ENPP3: variants seen among roughly 807,000 people sequenced by gnomAD.
The protein encoded by ENPP3 is ectonucleotide pyrophosphatase/phosphodiesterase 3, also known as ectonucleotide pyrophosphatase/phosphodiesterase family member 3.
In ENPP3, 104 loss-of-function variants were observed where a neutral mutation model predicts 117.8. The ratio of observed to expected loss-of-function variants is 0.88; its 90% CI spans 0.75 to 1.04. The LOEUF (loss-of-function observed/expected upper bound fraction) is 1.04, where lower values mean the gene tolerates loss of function less well. Ranked by LOEUF, ENPP3 falls within the 50% of genes least tolerant of loss-of-function variation. The pLI is 0.00. For missense variants in ENPP3, 1,026 were observed against 1,051.9 expected (o/e 0.98, Z 0.34); for synonymous variants, 380 against 349.9 (o/e 1.09, Z -0.96).
intron 20 of ENPP3, among the ~76,000 whole-genome samples, chr6:131,729,759 A>G (rs1382520092): frequency 6.6e-6 from 1 of 152,114 alleles, no homozygotes; most frequent in Admixed American, 6.5e-5. Context: ...TCGCCTGGAT[A>G]AAGGAGGCCA....
intron 2 of ENPP3, among the ~76,000 whole-genome samples, chr6:131,648,548 T>A (rs932527260): frequency 2.0e-5 from 3 of 152,114 alleles, no homozygotes; most frequent in Non-Finnish European, 1.5e-5. Flanking sequence ...ATTTATCACT[T>A]CATCTGCAAT....
At chr6:131,652,720 T>C (rs1350287143) in intron 4 of ENPP3, 53 bp downstream of exon 4, 3 of 1,611,070 alleles carry the variant, frequency 1.9e-6, no homozygotes, top group East Asian at 4.5e-5. Context: ...AGGAACTCCA[T>C]GAGTTTCCTA....
At chr6:131,676,848 G>A in intron 10 of ENPP3, 47 bp downstream of exon 10, 2 of 1,246,982 alleles carry the variant, frequency 1.6e-6, no homozygotes, top group Non-Finnish European at 2.3e-6. Context: ...CATATATATG[G>A]GTAAAAAATG....
chr6:131,729,866 C>CTTTTT (rs926827599), intron 20 of ENPP3, among the ~76,000 whole-genome samples: 4 of 145,752 alleles, frequency 2.7e-5, no homozygotes, highest in Non-Finnish European at 6.1e-5. Flanking sequence ...GAAAATGTGA[C>CTTTTT]TTTTTTTTTT....
intron 14 of ENPP3, among the ~76,000 whole-genome samples, chr6:131,693,133 A>C (rs1411422887): frequency 6.8e-6 from 1 of 147,220 alleles, no homozygotes; most frequent in African/African-American, 2.5e-5. Context: ...ACACACACAC[A>C]CACCCCCAGG....
At chr6:131,718,974 G>A (rs564196328) in intron 16 of ENPP3, among the ~76,000 whole-genome samples, 1 of 152,146 alleles carries the variant, frequency 6.6e-6, no homozygotes, top group Non-Finnish European at 1.5e-5. Context: ...AACAGATTAA[G>A]ATCCTGCCCT....
At chr6:131,727,096 A>C (rs1260767608) in intron 20 of ENPP3, among the ~76,000 whole-genome samples, 2 of 152,230 alleles carry the variant, frequency 1.3e-5, no homozygotes, top group South Asian at 2.1e-4. Context: ...GCATATAAGA[A>C]ACAAGTTATG....
At chr6:131,729,383 C>A (rs1263635996) in intron 20 of ENPP3, among the ~76,000 whole-genome samples, 1 of 152,178 alleles carries the variant, frequency 6.6e-6, no homozygotes, top group African/African-American at 2.4e-5. Context: ...AGGTAAGAAG[C>A]ATCTGTAACT....
intron 15 of ENPP3, among the ~76,000 whole-genome samples, chr6:131,694,629 G>A (rs1450245311): frequency 6.6e-6 from 1 of 152,098 alleles, no homozygotes; most frequent in Non-Finnish European, 1.5e-5. Flanking sequence ...GAGGCCAGGA[G>A]TTCGAGACCA....
chr6:131,668,826 A>T (rs1284309238), intron 6 of ENPP3, among the ~76,000 whole-genome samples: 1 of 152,178 alleles, frequency 6.6e-6, no homozygotes, highest in Non-Finnish European at 1.5e-5. Context: ...TCTTTCCAGT[A>T]GTCTGTTCAA....
At chr6:131,645,193 C>A (rs1039527950) in intron 2 of ENPP3, among the ~76,000 whole-genome samples, 1 of 152,188 alleles carries the variant, frequency 6.6e-6, no homozygotes, top group African/African-American at 2.4e-5. Flanking sequence ...CCTTATAAAC[C>A]TGTGTGATAA....
At chr6:131,674,474 A>T in intron 8 of ENPP3, 193 bp downstream of exon 8, 1 of 615,196 alleles carries the variant, frequency 1.6e-6, no homozygotes, top group East Asian at 2.9e-5. Context: ...TCAAATAGGT[A>T]TGTTTAAACT....
At position 131,679,605 on chromosome 6, in the gene ENPP3, A is replaced by G. The variant is rs139403276; in HGVS notation, c.1011+1665A>G. On this transcript the variant is annotated intron_variant, in intron 11 of 24. Transcript: ENST00000357639. ...AAAGTGCTGCAAAGGAAAAGATCGG[A>G]GTCCCCCAAGAGATCTATCTAGGCA... Among the ~76,000 whole-genome samples the G allele has an allele frequency of 6.6e-5, 10 of 151,036 alleles. No homozygotes were observed. The East Asian group carries it at 1.8e-3, about 27-fold the overall frequency.
intron 20 of ENPP3, among the ~76,000 whole-genome samples, chr6:131,730,213 G>C (rs930689097): frequency 6.6e-6 from 1 of 152,090 alleles, no homozygotes. Context: ...ATATACCAGC[G>C]GTCTATGGGG....
intron 21 of ENPP3, among the ~76,000 whole-genome samples, chr6:131,735,304 G>C (rs544940066): frequency 6.6e-6 from 1 of 152,164 alleles, no homozygotes; most frequent in Non-Finnish European, 1.5e-5. Flanking sequence ...CAGAGGTAAT[G>C]TTATGTTGAT....
intron 3 of ENPP3, 56 bp downstream of exon 3, chr6:131,650,205 T>C (rs1778234450): frequency 1.9e-6 from 3 of 1,592,354 alleles, no homozygotes; most frequent in South Asian, 1.1e-5. Flanking sequence ...TATTAATACA[T>C]GTCAAATTTT....
intron 15 of ENPP3, 57 bp from the exon 16 acceptor site, chr6:131,718,615 C>T: frequency 1.2e-6 from 1 of 805,616 alleles, no homozygotes; most frequent in Non-Finnish European, 1.9e-6. Context: ...TTAAATCTTA[C>T]ACTATGGTCT....
At chr6:131,639,057 A>G (rs536012173) in intron 1 of ENPP3, among the ~76,000 whole-genome samples, 1 of 151,900 alleles carries the variant, frequency 6.6e-6, no homozygotes, top group Non-Finnish European at 1.5e-5. Context: ...GCTTTTCCCT[A>G]TATCCCATAT....
At chr6:131,680,877 G>T (rs903790319) in intron 11 of ENPP3, among the ~76,000 whole-genome samples, 1 of 152,104 alleles carries the variant, frequency 6.6e-6, no homozygotes, top group Non-Finnish European at 1.5e-5. Flanking sequence ...ACAGAATCTG[G>T]GTTCAAGAAA....
Sources: gnomAD v4.1 joint callset for allele counts (sites outside exome capture counted in the v4.1 genomes callset) on GRCh38, gnomAD v4.1.1 for gene constraint, MANE v1.5 for transcripts, NCBI Gene and HGNC (gene_info 2026-07-23, HGNC 2026-07-21) for gene names.